The following TRAPPC3L variants were observed in gnomAD, a reference collection of about 807,000 sequenced individuals.
The protein encoded by TRAPPC3L is trafficking protein particle complex subunit 3L.
TRAPPC3L carries 23 observed loss-of-function variants against 23.7 expected under a neutral mutation model. That is an observed-to-expected ratio of 0.97 (90% CI 0.70 to 1.37). The LOEUF is 1.37. TRAPPC3L is among the 40% of genes most tolerant of loss of function. The pLI is 0.00. For missense variants in TRAPPC3L, 212 were observed against 216.8 expected (o/e 0.98, Z 0.14); for synonymous variants, 81 against 77.9 (o/e 1.04, Z -0.21).
rs1771832100 is a variant in TRAPPC3L at position 116,496,256 on chromosome 6, T to G, written c.*698A>C. On this transcript the variant is annotated 3_prime_UTR_variant, in exon 5 of 5. Transcript: ENST00000368602. Reference sequence around the variant, plus strand: ...TCAAAGAATATTATTTATCCTTTATTTTAGAAGTTTCCTGGCCTGACCATC... The same window carrying G: ...TCAAAGAATATTATTTATCCTTTATGTTAGAAGTTTCCTGGCCTGACCATC... 1 of 152,198 alleles carries G rather than the reference T, an allele frequency of 6.6e-6. No homozygotes were observed. The highest frequency in any genetic ancestry group is 6.6e-5 in the Admixed American group (1 of 15,264). 9.4% of individuals were successfully genotyped at this position (152,198 alleles called of 1,614,324 possible).
At chr6:116,512,233 T>C (rs780633603) in intron 3 of TRAPPC3L, 1 of 1,592,830 alleles carries the variant, frequency 6.3e-7, no homozygotes, top group Non-Finnish European at 8.5e-7. Flanking sequence ...AGGCCCAGTC[T>C]CAGGTAAGAA....
At position 116,526,803 on chromosome 6, in the gene TRAPPC3L, T is replaced by C. The variant is rs556392606; in HGVS notation, c.240+13560A>G. 7.2e-5 allele frequency among the ~76,000 whole-genome samples: 11 copies of C among 152,360 alleles called. 1 individual carries two copies. The East Asian group carries it at 1.4e-3, about 19-fold the overall frequency. ...TTTTTTTTCTTAATAAAGAATTTTA[T>C]TGTAAATAGTTACATTAATAAATAG... On this transcript the variant is annotated intron_variant, in intron 3 of 4. Coordinates refer to ENST00000368602, the MANE Select transcript of TRAPPC3L (RefSeq NM_001139444.3).
At chr6:116,511,708 T>C in intron 3 of TRAPPC3L, 8 of 1,613,586 alleles carry the variant, frequency 5.0e-6, no homozygotes, top group Non-Finnish European at 6.8e-6. Context: ...TGGATGCTTT[T>C]CAGGGCATTT....
At chr6:116,526,430 A>G (rs752854355) in intron 3 of TRAPPC3L, among the ~76,000 whole-genome samples, 1 of 152,228 alleles carries the variant, frequency 6.6e-6, no homozygotes, top group African/African-American at 2.4e-5. Context: ...CTCTTGTTCT[A>G]AACAGTGGAG....
At chr6:116,530,942 T>TATATAC (rs1327783259) in intron 3 of TRAPPC3L, among the ~76,000 whole-genome samples, 2 of 137,320 alleles carry the variant, frequency 1.5e-5, no homozygotes, top group African/African-American at 5.3e-5. Flanking sequence ...TATATATATA[T>TATATAC]ATGTTACTAA....
At chr6:116,515,558 C>G (rs759397035) in intron 3 of TRAPPC3L, 4 of 1,549,974 alleles carry the variant, frequency 2.6e-6, no homozygotes, top group Non-Finnish European at 3.5e-6. Flanking sequence ...CCCTAAATGG[C>G]TTTGCTTTCA....
chr6:116,530,681 CAG>C (rs918372782), intron 3 of TRAPPC3L, among the ~76,000 whole-genome samples: 8 of 151,982 alleles, frequency 5.3e-5, no homozygotes, highest in African/African-American at 1.7e-4. Context: ...CTTCCAAGTG[CAG>C]AGTCATTTTA....
At chr6:116,543,510 A>G in intron 1 of TRAPPC3L, 110 bp from the exon 2 acceptor site, 1 of 899,490 alleles carries the variant, frequency 1.1e-6, no homozygotes. Context: ...TCACCTGTAC[A>G]TTTTTTCCTT....
At chr6:116,537,167 A>C (rs1178680350) in intron 3 of TRAPPC3L, among the ~76,000 whole-genome samples, 1 of 152,184 alleles carries the variant, frequency 6.6e-6, no homozygotes, top group Admixed American at 6.5e-5. Context: ...GAAGGTGATG[A>C]ATATTCTCCT....
chr6:116,535,571 T>A (rs931447729), intron 3 of TRAPPC3L, among the ~76,000 whole-genome samples: 1 of 151,884 alleles, frequency 6.6e-6, no homozygotes, highest in Admixed American at 6.6e-5. Context: ...ACTAAGGAGG[T>A]TTTTTGGCTC....
intron 3 of TRAPPC3L, among the ~76,000 whole-genome samples, chr6:116,504,921 G>C (rs924271908): frequency 7.2e-5 from 11 of 152,126 alleles, no homozygotes; most frequent in African/African-American, 2.7e-4. Flanking sequence ...ATATTGAATG[G>C]GCAAAAACTG....
intron 3 of TRAPPC3L, among the ~76,000 whole-genome samples, chr6:116,534,418 T>A (rs1393588721): frequency 1.3e-5 from 2 of 152,166 alleles, no homozygotes; most frequent in Non-Finnish European, 2.9e-5. Flanking sequence ...TCCTATAGAT[T>A]CAGTCATAGC....
intron 3 of TRAPPC3L, among the ~76,000 whole-genome samples, chr6:116,528,564 T>C (rs982071927): frequency 2.6e-5 from 4 of 152,242 alleles, no homozygotes; most frequent in African/African-American, 9.6e-5. Context: ...TTATAAATTG[T>C]TTTTGCTGTG....
chr6:116,500,736 A>G, intron 3 of TRAPPC3L, 70 bp from the exon 4 acceptor site: 1 of 1,362,898 alleles, frequency 7.3e-7, no homozygotes, highest in South Asian at 1.3e-5. Flanking sequence ...CTAAACAAAT[A>G]CCCAGTTCTA....
At chr6:116,507,323 G>A (rs1350828971) in intron 3 of TRAPPC3L, among the ~76,000 whole-genome samples, 1 of 152,146 alleles carries the variant, frequency 6.6e-6, no homozygotes, top group Non-Finnish European at 1.5e-5. Flanking sequence ...TTAGACCCAA[G>A]AATACATTTT....
At chr6:116,501,843 A>AC in intron 3 of TRAPPC3L, among the ~76,000 whole-genome samples, 1 of 152,348 alleles carries the variant, frequency 6.6e-6, no homozygotes, top group African/African-American at 2.4e-5. Flanking sequence ...AACAAAAAGG[A>AC]CATCCACACC....
chr6:116,497,083 A>G lies in TRAPPC3L; in HGVS notation c.427-10T>C. ...CAGCCGCCAAATGAACCTAGGAAAG[A>G]AGAAAAAAACAGGCCTGTGTCATTC... On this transcript the variant is annotated splice_polypyrimidine_tract_variant and intron_variant, in intron 4 of 4. Coordinates refer to ENST00000368602, the MANE Select transcript of TRAPPC3L (RefSeq NM_001139444.3). 6.5e-7 allele frequency: 1 copy of G among 1,537,208 alleles called. No homozygotes were observed. Among genetic ancestry groups the G allele is most frequent in the Non-Finnish European group, 8.7e-7 (1 of 1,143,076 alleles).
chr6:116,530,308 G>A (rs892939110), intron 3 of TRAPPC3L, among the ~76,000 whole-genome samples: 1 of 151,968 alleles, frequency 6.6e-6, no homozygotes, highest in Non-Finnish European at 1.5e-5. Flanking sequence ...ATTTCATCTG[G>A]GCACTTTTCC....
At chr6:116,506,783 A>G (rs1221462508) in intron 3 of TRAPPC3L, among the ~76,000 whole-genome samples, 1 of 152,204 alleles carries the variant, frequency 6.6e-6, no homozygotes, top group African/African-American at 2.4e-5. Flanking sequence ...CAAACACTGT[A>G]CGTTCTCACT....
Sources: gnomAD v4.1 joint callset for allele counts (sites outside exome capture counted in the v4.1 genomes callset) on GRCh38, gnomAD v4.1.1 for gene constraint, MANE v1.5 for transcripts, NCBI Gene and HGNC (gene_info 2026-07-23, HGNC 2026-07-21) for gene names.